GALNT13: variants seen among roughly 807,000 people sequenced by gnomAD.
GALNT13 encodes UDP-GalNAc:polypeptide N-acetylgalactosaminyltransferase 13.
GALNT13 carries 28 observed loss-of-function variants against 64.2 expected under a neutral mutation model. The observed-to-expected ratio is 0.44, with a 90% CI of 0.32 to 0.60. GALNT13 has a LOEUF of 0.60. Ranked by LOEUF, GALNT13 falls within the 20% of genes least tolerant of loss-of-function variation. The pLI, the probability that GALNT13 is intolerant of heterozygous loss-of-function variation, is 0.05. For synonymous variants in GALNT13, 214 were observed against 224.6 expected, an observed-to-expected ratio of 0.95 and a Z score of 0.42; for missense variants, 577 against 669.8, an observed-to-expected ratio of 0.86 and a Z score of 1.53.
the GALNT13 span, among the ~76,000 whole-genome samples, chr2:153,669,924 C>A: frequency 7.1e-6 from 1 of 140,378 alleles, no homozygotes; most frequent in Admixed American, 8.2e-5. Context: ...ACTGCTAGTG[C>A]GGCAGTCTGA....
At chr2:153,263,546 T>C in the GALNT13 span, among the ~76,000 whole-genome samples, 1 of 152,168 alleles carries the variant, frequency 6.6e-6, no homozygotes, top group African/African-American at 2.4e-5. Flanking sequence ...GACTTGAAAC[T>C]ATACTACAAG....
the GALNT13 span, among the ~76,000 whole-genome samples, chr2:153,446,401 AAGT>A: frequency 6.6e-6 from 1 of 152,198 alleles, no homozygotes; most frequent in South Asian, 2.1e-4. Flanking sequence ...TTTTCTTAAA[AAGT>A]AGAACTAGCC....
At chr2:153,513,867 C>T in the GALNT13 span, among the ~76,000 whole-genome samples, 30 of 152,142 alleles carry the variant, frequency 2.0e-4, no homozygotes, top group African/African-American at 5.1e-4. Context: ...GTGTTTGAAG[C>T]GTAGAGAACT....
chr2:153,147,482 C>T, the GALNT13 span, among the ~76,000 whole-genome samples: 6 of 150,744 alleles, frequency 4.0e-5, no homozygotes, highest in South Asian at 2.1e-4. Flanking sequence ...GGAGGAGTAT[C>T]GACAATTTCT....
At chr2:153,697,649 G>A in the GALNT13 span, among the ~76,000 whole-genome samples, 3 of 152,218 alleles carry the variant, frequency 2.0e-5, no homozygotes, top group Non-Finnish European at 4.4e-5. Flanking sequence ...CTGGAGCTTA[G>A]CAATTGAGGC....
chr2:153,961,299 A>T (rs1692925990), intron 3 of GALNT13, among the ~76,000 whole-genome samples: 1 of 152,178 alleles, frequency 6.6e-6, no homozygotes, highest in Non-Finnish European at 1.5e-5. Context: ...TTAGGAGGAG[A>T]GAGACTCTAT....
chr2:153,077,473 T>G, the GALNT13 span, among the ~76,000 whole-genome samples: 1 of 152,002 alleles, frequency 6.6e-6, no homozygotes, highest in Non-Finnish European at 1.5e-5. Context: ...ATAGGGTGAA[T>G]AAGGAAGCAA....
the GALNT13 span, among the ~76,000 whole-genome samples, chr2:153,581,497 A>G: frequency 2.5e-3 from 377 of 152,120 alleles, 3 homozygotes; most frequent in African/African-American, 8.8e-3. Context: ...ATTTTTTTAA[A>G]TTGGCATTGG....
the GALNT13 span, among the ~76,000 whole-genome samples, chr2:153,807,506 T>C: frequency 7.2e-5 from 11 of 151,962 alleles, no homozygotes; most frequent in African/African-American, 2.4e-4. Context: ...AAAATATTTA[T>C]AAAAATATGA....
At chr2:153,377,599 G>C in the GALNT13 span, among the ~76,000 whole-genome samples, 2 of 152,096 alleles carry the variant, frequency 1.3e-5, no homozygotes, top group Non-Finnish European at 2.9e-5. Flanking sequence ...GCTTGCCTTT[G>C]ATGTCTGCCA....
intron 9 of GALNT13, among the ~76,000 whole-genome samples, chr2:154,355,513 C>T (rs139629220): frequency 2.6e-5 from 4 of 152,134 alleles, no homozygotes; most frequent in Admixed American, 2.6e-4. Context: ...TGAGGAAAGG[C>T]ATCTTATGTT....
At chr2:153,244,993 G>A in the GALNT13 span, among the ~76,000 whole-genome samples, 2 of 152,224 alleles carry the variant, frequency 1.3e-5, no homozygotes, top group African/African-American at 4.8e-5. Flanking sequence ...TCCCCTGACA[G>A]TGCTAAGGAG....
chr2:153,430,910 G>A, the GALNT13 span, among the ~76,000 whole-genome samples: 375 of 152,086 alleles, frequency 2.5e-3, no homozygotes, highest in Middle Eastern at 0.017. Context: ...CCAGCACTTT[G>A]GGAGGCTGAG....
intron 11 of GALNT13, among the ~76,000 whole-genome samples, chr2:154,414,989 T>C (rs707056): frequency 0.99 from 150,814 of 152,058 alleles, 74,804 homozygotes; most frequent in Middle Eastern, 1. Context: ...CAAACTGATA[T>C]TAATTTTTAT....
At chr2:153,311,574 G>A in the GALNT13 span, among the ~76,000 whole-genome samples, 232 of 152,264 alleles carry the variant, frequency 1.5e-3, 2 homozygotes, top group South Asian at 4.8e-3. Flanking sequence ...GCTGTCTCAC[G>A]TTTGACTGGA....
chr2:153,600,712 A>G, the GALNT13 span, among the ~76,000 whole-genome samples: 1 of 152,178 alleles, frequency 6.6e-6, no homozygotes, highest in East Asian at 1.9e-4. Flanking sequence ...TAAGACATTA[A>G]TAGATGCAGC....
At chr2:153,096,683 C>A in the GALNT13 span, among the ~76,000 whole-genome samples, 1 of 151,942 alleles carries the variant, frequency 6.6e-6, no homozygotes, top group Non-Finnish European at 1.5e-5. Flanking sequence ...TATAGTGACT[C>A]CTGTTCTTTT....
chr2:153,182,323 C>T, the GALNT13 span, among the ~76,000 whole-genome samples: 4 of 152,178 alleles, frequency 2.6e-5, no homozygotes, highest in South Asian at 2.1e-4. Flanking sequence ...GGATTACAGG[C>T]GTGAGCCACA....
chr2:154,091,298 T>G (rs980532516), intron 3 of GALNT13, among the ~76,000 whole-genome samples: 4 of 151,944 alleles, frequency 2.6e-5, no homozygotes, highest in African/African-American at 9.7e-5. Context: ...GGAAATTTTA[T>G]TTATATTTAA....
Sources: gnomAD v4.1 joint callset for allele counts (sites outside exome capture counted in the v4.1 genomes callset) on GRCh38, gnomAD v4.1.1 for gene constraint, MANE v1.5 for transcripts, NCBI Gene and HGNC (gene_info 2026-07-23, HGNC 2026-07-21) for gene names.